SCFD2: variants seen among roughly 807,000 people sequenced by gnomAD.
SCFD2 encodes sec1 family domain-containing protein 2.
In SCFD2, 54 loss-of-function variants were observed where a neutral mutation model predicts 58.9. That is an observed-to-expected ratio of 0.92 (90% CI 0.74 to 1.15). The LOEUF is 1.15. Ranked by LOEUF, SCFD2 falls within the 50% of genes most tolerant of loss-of-function variation. The pLI, the probability that SCFD2 is intolerant of heterozygous loss-of-function variation, is 0.00. For synonymous variants in SCFD2, 321 were observed against 335.9 expected (o/e 0.96, Z 0.49); for missense variants, 805 against 836.6 (o/e 0.96, Z 0.47).
At chr4:53,167,967 G>C (rs1467456256) in intron 4 of SCFD2, among the ~76,000 whole-genome samples, 1 of 152,148 alleles carries the variant, frequency 6.6e-6, no homozygotes, top group African/African-American at 2.4e-5. Flanking sequence ...TATTATGACG[G>C]ACCCTCTTGC....
intron 2 of SCFD2, among the ~76,000 whole-genome samples, chr4:53,340,305 G>C (rs1560455998): frequency 6.6e-6 from 1 of 152,206 alleles, no homozygotes; most frequent in African/African-American, 2.4e-5. Flanking sequence ...GGCACACCAG[G>C]AGATAACATC....
chr4:53,052,140 G>A (rs561238267), intron 5 of SCFD2, among the ~76,000 whole-genome samples: 2 of 152,018 alleles, frequency 1.3e-5, no homozygotes, highest in East Asian at 3.9e-4. Flanking sequence ...GTTCCTTCAT[G>A]CTGCAAGACC....
At chr4:52,910,271 C>A (rs1202246629) in intron 6 of SCFD2, among the ~76,000 whole-genome samples, 1 of 152,178 alleles carries the variant, frequency 6.6e-6, no homozygotes, top group Non-Finnish European at 1.5e-5. Flanking sequence ...TCTCTGCTGG[C>A]TGGAATGTAG....
At chr4:53,156,393 CAA>C (rs1726683664) in intron 4 of SCFD2, among the ~76,000 whole-genome samples, 1 of 103,242 alleles carries the variant, frequency 9.7e-6, no homozygotes, top group Non-Finnish European at 1.8e-5. Flanking sequence ...GAGTGAGACT[CAA>C]CTCAAAAAAA....
At chr4:53,278,372 A>G (rs550025246) in intron 3 of SCFD2, among the ~76,000 whole-genome samples, 1 of 151,456 alleles carries the variant, frequency 6.6e-6, no homozygotes, top group East Asian at 1.9e-4. Context: ...AAAAAAAAAA[A>G]AGAAAAAAGA....
intron 8 of SCFD2, among the ~76,000 whole-genome samples, chr4:52,881,392 T>A (rs1257384977): frequency 5.3e-5 from 8 of 152,240 alleles, no homozygotes; most frequent in African/African-American, 1.7e-4. Flanking sequence ...CTAGCACCCA[T>A]CTATGTCTGT....
At chr4:53,121,494 G>A (rs553064136) in intron 5 of SCFD2, among the ~76,000 whole-genome samples, 1 of 152,192 alleles carries the variant, frequency 6.6e-6, no homozygotes, top group Admixed American at 6.5e-5. Flanking sequence ...GAACAGCTAG[G>A]GCTTGCTGGT....
chr4:53,007,305 G>GGAGGGAGA (rs1721991087), intron 5 of SCFD2, among the ~76,000 whole-genome samples: 1 of 66,072 alleles, frequency 1.5e-5, no homozygotes, highest in African/African-American at 6.2e-5. Context: ...AGAGGGAGAG[G>GGAGGGAGA]GAGAGAGAGA....
At chr4:53,121,938 T>G (rs1725490503) in intron 5 of SCFD2, among the ~76,000 whole-genome samples, 2 of 152,152 alleles carry the variant, frequency 1.3e-5, no homozygotes, top group South Asian at 4.1e-4. Context: ...TTCTTGTTTT[T>G]TTTCCCCCAA....
intron 3 of SCFD2, among the ~76,000 whole-genome samples, chr4:53,298,112 G>A (rs1360876764): frequency 1.3e-5 from 2 of 152,148 alleles, no homozygotes; most frequent in African/African-American, 2.4e-5. Context: ...GACAGTGGGA[G>A]CAGCACACCA....
chr4:53,213,369 GA>G (rs1728686474), intron 4 of SCFD2, among the ~76,000 whole-genome samples: 1 of 151,962 alleles, frequency 6.6e-6, no homozygotes, highest in Non-Finnish European at 1.5e-5. Context: ...TAATAGAGTA[GA>G]AAAAAATGCG....
At chr4:53,360,295 A>G (rs1734514874) in intron 1 of SCFD2, among the ~76,000 whole-genome samples, 1 of 152,200 alleles carries the variant, frequency 6.6e-6, no homozygotes, top group Non-Finnish European at 1.5e-5. Context: ...AAAGACATCA[A>G]TTTATCAGTT....
At chr4:53,178,783 C>A (rs1028696582) in intron 4 of SCFD2, among the ~76,000 whole-genome samples, 26 of 152,072 alleles carry the variant, frequency 1.7e-4, no homozygotes, top group African/African-American at 5.8e-4. Flanking sequence ...ACTAGAATAA[C>A]CAATGCAGAG....
intron 5 of SCFD2, among the ~76,000 whole-genome samples, chr4:53,043,192 G>T (rs1428289488): frequency 6.6e-6 from 1 of 152,162 alleles, no homozygotes; most frequent in Non-Finnish European, 1.5e-5. Context: ...TCACAATGCT[G>T]AAGGCAATAG....
At chr4:53,290,588 T>G (rs1356483982) in intron 3 of SCFD2, among the ~76,000 whole-genome samples, 1 of 151,790 alleles carries the variant, frequency 6.6e-6, no homozygotes, top group Admixed American at 6.6e-5. Context: ...AAATCCAAAG[T>G]TAGCAGAAAC....
intron 5 of SCFD2, chr4:52,950,396 T>C (rs1200203780): frequency 6.6e-6 from 1 of 152,228 alleles, no homozygotes; most frequent in African/African-American, 2.4e-5. Flanking sequence ...ATGTTCTACA[T>C]TCCTGAGAAA....
chr4:53,134,324 G>A (rs1269535075), intron 5 of SCFD2, among the ~76,000 whole-genome samples: 8 of 150,736 alleles, frequency 5.3e-5, no homozygotes, highest in African/African-American at 7.3e-5. Context: ...AACTTAAGAG[G>A]GTAGATCTCA....
intron 2 of SCFD2, among the ~76,000 whole-genome samples, chr4:53,338,726 A>G (rs1444274632): frequency 6.7e-6 from 1 of 150,074 alleles, no homozygotes; most frequent in East Asian, 2.0e-4. Context: ...GACCACAGGC[A>G]CCCGCCACTA....
chr4:53,211,750 G>A lies in SCFD2; in HGVS notation c.1311+62076C>T, dbSNP rs192765696. On this transcript the variant is annotated intron_variant, in intron 4 of 8. Coordinates refer to ENST00000401642, the MANE Select transcript of SCFD2 (RefSeq NM_152540.4). ...TGATGATTGTTGTAGTGTGAAAGTA[G>A]AAGAAAAGCATGGTTTGAGAGTTTT... Among the ~76,000 whole-genome samples the A allele has an allele frequency of 2.1e-4, 32 of 152,212 alleles. No individual in the cohort carries two copies. The East Asian group carries it at 5.8e-3, about 28-fold the overall frequency.
Sources: allele counts gnomAD v4.1 joint callset (sites outside exome capture counted in the v4.1 genomes callset), GRCh38; gene constraint gnomAD v4.1.1; transcripts MANE v1.5; gene names NCBI Gene and HGNC (gene_info 2026-07-23, HGNC 2026-07-21).